STXBP5L: variants seen among roughly 807,000 people sequenced by gnomAD.
STXBP5L encodes the protein syntaxin-binding protein 5-like.
STXBP5L carries 65 observed loss-of-function variants against 144.5 expected under a neutral mutation model. The observed-to-expected ratio is 0.45, with a 90% CI of 0.37 to 0.55. The LOEUF (loss-of-function observed/expected upper bound fraction) is 0.55. Among genes scored for constraint, STXBP5L ranks in the 20% least tolerant of loss-of-function variants. STXBP5L has a pLI of 0.00. For synonymous variants in STXBP5L, 505 were observed against 469.6 expected (o/e 1.08, Z -0.97); for missense variants, 1,298 against 1,405.5 (o/e 0.92, Z 1.22).
At chr3:121,194,129 G>C (rs1326763411) in intron 9 of STXBP5L, among the ~76,000 whole-genome samples, 1 of 151,972 alleles carries the variant, frequency 6.6e-6, no homozygotes, top group Admixed American at 6.6e-5. Flanking sequence ...CCAAATCAAT[G>C]TTACGATATT....
At chr3:121,145,846 GAATA>G (rs2045694845) in intron 7 of STXBP5L, among the ~76,000 whole-genome samples, 1 of 151,956 alleles carries the variant, frequency 6.6e-6, no homozygotes, top group Admixed American at 6.6e-5. Flanking sequence ...AGTGTTTCCA[GAATA>G]AATGACCATT....
intron 3 of STXBP5L, among the ~76,000 whole-genome samples, chr3:120,964,539 C>T (rs1021477861): frequency 6.6e-6 from 1 of 152,038 alleles, no homozygotes. Flanking sequence ...ACCCAGTAGT[C>T]AGTCAGGAGC....
At chr3:121,149,364 A>G (rs1176915588) in intron 7 of STXBP5L, among the ~76,000 whole-genome samples, 1 of 151,912 alleles carries the variant, frequency 6.6e-6, no homozygotes, top group African/African-American at 2.4e-5. Flanking sequence ...CTCCCTCCCC[A>G]GAATTCAGGA....
chr3:121,056,209 A>G (rs986740000), intron 5 of STXBP5L, among the ~76,000 whole-genome samples: 4 of 152,296 alleles, frequency 2.6e-5, no homozygotes, highest in Admixed American at 6.5e-5. Flanking sequence ...TTTGTAATGC[A>G]TGATCTGAGT....
At chr3:121,104,931 G>A (rs763538422) in intron 5 of STXBP5L, among the ~76,000 whole-genome samples, 15 of 152,216 alleles carry the variant, frequency 9.9e-5, no homozygotes, top group African/African-American at 3.6e-4. Flanking sequence ...GAAAAAATCA[G>A]CAGAGTAAAC....
intron 2 of STXBP5L, among the ~76,000 whole-genome samples, chr3:120,927,045 C>T (rs1243220653): frequency 3.3e-5 from 5 of 151,696 alleles, no homozygotes; most frequent in African/African-American, 4.9e-5. Flanking sequence ...AAGCGGTTCT[C>T]CTGCCTCAGC....
chr3:120,976,554 C>T (rs1160416328), intron 3 of STXBP5L, among the ~76,000 whole-genome samples: 2 of 152,040 alleles, frequency 1.3e-5, no homozygotes, highest in Non-Finnish European at 2.9e-5. Flanking sequence ...TTCAGTTCTG[C>T]TCTGATTTTA....
chr3:121,237,129 G>GC (rs1400788609), intron 12 of STXBP5L, among the ~76,000 whole-genome samples: 1 of 152,246 alleles, frequency 6.6e-6, no homozygotes, highest in Admixed American at 6.5e-5. Context: ...GACTGAGGTT[G>GC]CACACTGCTG....
At chr3:121,358,141 G>T (rs938482060) in intron 20 of STXBP5L, among the ~76,000 whole-genome samples, 4 of 152,054 alleles carry the variant, frequency 2.6e-5, no homozygotes, top group African/African-American at 9.7e-5. Flanking sequence ...TCTTTAAGTT[G>T]TTTTAAAAGA....
chr3:121,007,174 G>C (rs979698662), intron 3 of STXBP5L, among the ~76,000 whole-genome samples: 4 of 151,946 alleles, frequency 2.6e-5, no homozygotes, highest in African/African-American at 9.7e-5. Context: ...AATTCTACTT[G>C]TATGTTAAAC....
intron 9 of STXBP5L, among the ~76,000 whole-genome samples, chr3:121,170,371 C>T (rs1290665710): frequency 1.3e-5 from 2 of 151,914 alleles, no homozygotes; most frequent in South Asian, 2.1e-4. Flanking sequence ...GAGACAGAAA[C>T]ATGAAAAACC....
At chr3:121,077,980 G>C (rs1167992915) in intron 5 of STXBP5L, among the ~76,000 whole-genome samples, 1 of 152,144 alleles carries the variant, frequency 6.6e-6, no homozygotes, top group Non-Finnish European at 1.5e-5. Flanking sequence ...GCTAGATACA[G>C]AGTGTCGATT....
chr3:120,935,587 T>C (rs1441898719), intron 2 of STXBP5L, among the ~76,000 whole-genome samples: 1 of 152,098 alleles, frequency 6.6e-6, no homozygotes, highest in Non-Finnish European at 1.5e-5. Flanking sequence ...TTTTTGTTTG[T>C]TCAAGAAGGT....
At chr3:121,283,893 GC>G (rs1367470043) in intron 19 of STXBP5L, among the ~76,000 whole-genome samples, 11,400 of 134,842 alleles carry the variant, frequency 0.085, 461 homozygotes, top group Middle Eastern at 0.12. Flanking sequence ...TTGTGTGTGT[GC>G]TTGTGTGTGT....
At chr3:120,991,007 G>A (rs1215082023) in intron 3 of STXBP5L, among the ~76,000 whole-genome samples, 27 of 152,242 alleles carry the variant, frequency 1.8e-4, no homozygotes, top group Middle Eastern at 3.4e-3. Context: ...AAGAGCTTCT[G>A]CACAGCAAAA....
At chr3:121,160,879 C>T (rs1326685921) in intron 9 of STXBP5L, among the ~76,000 whole-genome samples, 1 of 151,836 alleles carries the variant, frequency 6.6e-6, no homozygotes, top group African/African-American at 2.4e-5. Context: ...ATTGGTTGCT[C>T]CAGGGATTAC....
intron 5 of STXBP5L, among the ~76,000 whole-genome samples, chr3:121,091,996 C>T (rs1272618283): frequency 6.6e-6 from 1 of 152,110 alleles, no homozygotes; most frequent in Admixed American, 6.6e-5. Flanking sequence ...CTACATATGG[C>T]TAGCCTGTTT....
At chr3:121,367,571 G>T (rs967083715) in intron 20 of STXBP5L, among the ~76,000 whole-genome samples, 1 of 125,524 alleles carries the variant, frequency 8.0e-6, no homozygotes, top group South Asian at 2.7e-4. Context: ...TGCTTTCAAG[G>T]TTCTCTCTTT....
intron 5 of STXBP5L, among the ~76,000 whole-genome samples, chr3:121,070,059 G>T (rs1428000783): frequency 2.0e-5 from 3 of 152,196 alleles, no homozygotes; most frequent in African/African-American, 2.4e-5. Context: ...TTAACCTGTT[G>T]TGGGAAAATC....
Sources: allele counts gnomAD v4.1 joint callset (sites outside exome capture counted in the v4.1 genomes callset), GRCh38; gene constraint gnomAD v4.1.1; transcripts MANE v1.5; gene names NCBI Gene and HGNC (gene_info 2026-07-23, HGNC 2026-07-21).